The following FCHO1 variants were observed in gnomAD, a reference collection of about 807,000 sequenced individuals.
The protein encoded by FCHO1 is F-BAR domain only protein 1.
Under a neutral mutation model 114.4 loss-of-function variants are expected in FCHO1, and 45 were observed. That is an observed-to-expected ratio of 0.39 (90% CI 0.31 to 0.50). FCHO1 has a LOEUF of 0.50. Ranked by LOEUF, FCHO1 falls within the 20% of genes least tolerant of loss-of-function variation. The pLI is 0.77. For synonymous variants in FCHO1, 480 were observed against 488.9 expected (o/e 0.98, Z 0.24); for missense variants, 1,042 against 1,209.6 (o/e 0.86, Z 2.06).
Position 17,776,852 on chromosome 19 carries a change from C to G in FCHO1, c.1259+166C>G, listed in dbSNP as rs989687796. On this transcript the variant is annotated intron_variant, in intron 18 of 28. Transcript: ENST00000596536. The surrounding 1 kb of genome is among the most constrained non-coding windows in gnomAD (Gnocchi z 4.4). ...ACAGAGTCTCACTCTGTCACCCAGG[C>G]TGGAGTGCGATTTCAGCTCACTGCA... Among the ~76,000 whole-genome samples, 1 of 152,122 alleles carries G rather than the reference C, an allele frequency of 6.6e-6. No individual in the cohort carries two copies. Among genetic ancestry groups the G allele is most frequent in the African/African-American group, 2.4e-5 (1 of 41,434 alleles).
chr19:17,750,804 A>G (rs901879966), upstream of FCHO1, among the ~76,000 whole-genome samples: 1 of 151,436 alleles, frequency 6.6e-6, no homozygotes, highest in Non-Finnish European at 1.5e-5. Flanking sequence ...TCATGAATGC[A>G]AAAATGTCTT....
At chr19:17,785,306 G>A (rs757500738) in intron 26 of FCHO1, among the ~76,000 whole-genome samples, 14 of 152,138 alleles carry the variant, frequency 9.2e-5, no homozygotes, top group East Asian at 1.9e-4. Flanking sequence ...TGCAATCTCC[G>A]CCTCCCGGGT....
chr19:17,766,545 A>G, intron 6 of FCHO1, 124 bp from the exon 7 acceptor site: 5 of 1,262,306 alleles, frequency 4.0e-6, no homozygotes, highest in East Asian at 2.5e-5. Context: ...TGGAGATTAT[A>G]TGAATTAGTA....
At chr19:17,787,604 T>G (rs2094021936) in intron 27 of FCHO1, 78 bp from the exon 28 acceptor site, 8 of 1,456,016 alleles carry the variant, frequency 5.5e-6, no homozygotes, top group Admixed American at 2.3e-5. Flanking sequence ...GGGCTTCAGG[T>G]GTGGGCCAAA....
chr19:17,769,420 C>CA (rs1222131216), intron 7 of FCHO1, among the ~76,000 whole-genome samples: 12 of 149,312 alleles, frequency 8.0e-5, no homozygotes, highest in African/African-American at 2.5e-4. Flanking sequence ...ACTAAAAATA[C>CA]AAAAGAAAAA....
In FCHO1 at chr19:17,778,082, G is replaced by T; in HGVS notation, c.1260-55G>T. The T allele has an allele frequency of 1.5e-6, 2 of 1,325,940 alleles. 1 individual carries two copies. The allele number at this position is 1,325,940 out of a possible 1,614,324, so 82.1% of individuals were successfully genotyped here. A position where few individuals can be genotyped will look rare whatever the true frequency, so the allele number is the denominator to read the frequency against. On this transcript the variant is annotated intron_variant, in intron 18 of 28. Coordinates refer to ENST00000596536, the MANE Select transcript of FCHO1 (RefSeq NM_015122.3). ...GAACAGCATGTGCAAAGGCCCCAGG[G>T]TGGGATGAGGCTTGGGAAAAATAGA...
rs1723493352 is a variant in FCHO1 at position 17,751,580 on chromosome 19, G to A, written c.-183+3G>A. 6.6e-6 allele frequency: 1 copy of A among 152,432 alleles called. No individual in the cohort carries two copies. The highest frequency in any genetic ancestry group is 6.5e-5 in the Admixed American group (1 of 15,286). 9.4% of individuals were successfully genotyped at this position (152,432 alleles called of 1,614,324 possible). On this transcript the variant is annotated splice_donor_region_variant and intron_variant, in intron 1 of 28. Coordinates refer to ENST00000596536, the MANE Select transcript of FCHO1 (RefSeq NM_015122.3). The surrounding 1 kb of genome is among the most constrained non-coding windows in gnomAD (Gnocchi z 4.4). ...CATCCCACTCGCTACCCTGTCCGGT[G>A]AGTTTGAGCCCTGGCCAGTAGATAC...
intron 13 of FCHO1, 114 bp downstream of exon 13, chr19:17,774,592 C>T: frequency 1.2e-6 from 1 of 817,378 alleles, no homozygotes; most frequent in Non-Finnish European, 1.9e-6. Flanking sequence ...ATATTCCAGG[C>T]TGGACCAGGA....
rs184175424 is a variant in FCHO1, at chr19:17,771,237, G to A, written c.594+341G>A. 3.9e-3 allele frequency among the ~76,000 whole-genome samples: 596 copies of A among 151,756 alleles called. 3 individuals carry two copies. The highest frequency in any genetic ancestry group is 0.013 in the African/African-American group (542 of 41,388). ...ATTGTACTCCAGGTTAGGTGATAGAGTGGAACCCTGTCTCGAAAAAATAAA... is the reference window on the plus strand; with the variant it reads ...ATTGTACTCCAGGTTAGGTGATAGAATGGAACCCTGTCTCGAAAAAATAAA... On this transcript the variant is annotated intron_variant, in intron 9 of 28. Coordinates refer to ENST00000596536, the MANE Select transcript of FCHO1 (RefSeq NM_015122.3).
At chr19:17,754,992 C>A in intron 3 of FCHO1, 126 bp from the exon 4 acceptor site, 1 of 723,032 alleles carries the variant, frequency 1.4e-6, no homozygotes, top group Middle Eastern at 3.8e-4. Flanking sequence ...TCCTGGCATG[C>A]TCTTAGCATT....
chr19:17,749,194 C>T (rs1041424067), upstream of FCHO1, among the ~76,000 whole-genome samples: 1 of 152,132 alleles, frequency 6.6e-6, no homozygotes, highest in Non-Finnish European at 1.5e-5. Context: ...AGTTGCCAGG[C>T]CAGCTCATTC....
At chr19:17,748,841 C>T (rs2081253437), upstream of FCHO1, among the ~76,000 whole-genome samples, 1 of 152,184 alleles carries the variant, frequency 6.6e-6, no homozygotes, top group Non-Finnish European at 1.5e-5. Context: ...TGAACTCACC[C>T]AGCCCACATT....
intron 8 of FCHO1, 61 bp downstream of exon 8, chr19:17,770,638 A>G (rs2091225615): frequency 3.2e-6 from 5 of 1,585,464 alleles, no homozygotes; most frequent in Non-Finnish European, 3.4e-6. Flanking sequence ...CTGCCTGATC[A>G]GAGAGTGGAA....
At chr19:17,778,059 A>G (rs1413415505) in intron 18 of FCHO1, 78 bp from the exon 19 acceptor site, 1 of 973,922 alleles carries the variant, frequency 1.0e-6, no homozygotes. Flanking sequence ...AAGACTGGGA[A>G]CAGCATGTGC....
chr19:17,773,350 G>A (rs2092042910), intron 11 of FCHO1, among the ~76,000 whole-genome samples: 2 of 152,236 alleles, frequency 1.3e-5, no homozygotes, highest in Non-Finnish European at 2.9e-5. Flanking sequence ...GGCAAAGGGT[G>A]TGCCAGGCAC....
At position 17,775,531 on chromosome 19, in the gene FCHO1, C is replaced by T; in HGVS notation, c.1003+18C>T. 6.2e-7 allele frequency: 1 copy of T among 1,612,750 alleles called. No individual in the cohort carries two copies. The highest frequency in any genetic ancestry group is 1.3e-5 in the African/African-American group (1 of 74,986). On this transcript the variant is annotated intron_variant, in intron 15 of 28. Transcript: ENST00000596536. This position sits in a 1 kb window ranked among gnomAD's most constrained non-coding sequence, Gnocchi z 5.1. ...CCAGAACAATATCCTTCTGGCACCC[C>T]CTGGGGGCAGTTGTTGGCACAGCAA...
In FCHO1 at chr19:17,778,190, C is replaced by A; in HGVS notation, c.1313C>A (p.Pro438Gln). 6.2e-7 allele frequency: 1 copy of A among 1,613,828 alleles called. No homozygotes were observed. The highest frequency in any genetic ancestry group is 1.3e-5 in the African/African-American group (1 of 75,014). ...CAGGTGTCCAAGAACCTCTTTGGGC[C>A]GCCCCTGGAGTCAGCCTTTGACCAC... ...EEQVSKNLFG[P>Q]PLESAFDHED... Residue 438 changes from proline (P) to glutamine (Q), a missense_variant, in exon 19 of 29, where the codon CCG becomes CAG. By Grantham distance (76) the Pro-to-Gln change is moderately conservative (BLOSUM62 -1). This residue lies in a region of FCHO1 where 455 missense variants were observed against 455.4 expected (regional missense o/e 1.00). Coordinates refer to ENST00000596536, the MANE Select transcript of FCHO1 (RefSeq NM_015122.3).
chr19:17,749,363 T>C (rs972500046), upstream of FCHO1, among the ~76,000 whole-genome samples: 1 of 151,818 alleles, frequency 6.6e-6, no homozygotes, highest in African/African-American at 2.4e-5. Context: ...ATGGGAGGAG[T>C]CTGTGGGAGG....
In FCHO1 at chr19:17,784,270, G is replaced by A. The variant is rs1466757871; in HGVS notation, c.2226+35G>A. ...CCGCATGGGGCCGGGAGGAGGTGGTGGAGTGGGGGACACGGTGAGCCGGCA... is the reference window on the plus strand; with the variant it reads ...CCGCATGGGGCCGGGAGGAGGTGGTAGAGTGGGGGACACGGTGAGCCGGCA... On this transcript the variant is annotated intron_variant, in intron 25 of 28. Transcript: ENST00000596536. This position sits in a 1 kb window ranked among gnomAD's most constrained non-coding sequence, Gnocchi z 5.3. The A allele has an allele frequency of 2.6e-6, 4 of 1,565,936 alleles. No homozygotes were observed. The highest frequency in any genetic ancestry group is 1.9e-5 in the Admixed American group (1 of 52,256).
Sources: allele counts gnomAD v4.1 joint callset (sites outside exome capture counted in the v4.1 genomes callset), GRCh38; gene constraint gnomAD v4.1.1; regional missense constraint gnomAD v4.1.1; non-coding constraint Gnocchi (gnomAD v3.1); transcripts MANE v1.5; gene names NCBI Gene and HGNC (gene_info 2026-07-23, HGNC 2026-07-21).